RNF180: variants seen among roughly 807,000 people sequenced by gnomAD.
RNF180 encodes E3 ubiquitin-protein ligase RNF180.
In RNF180, 38 loss-of-function variants were observed where a neutral mutation model predicts 59.2. The ratio of observed to expected loss-of-function variants is 0.64; its 90% CI spans 0.50 to 0.84. RNF180 has a LOEUF of 0.84. Ranked by LOEUF, RNF180 falls within the 40% of genes least tolerant of loss-of-function variation. The probability of loss-of-function intolerance (pLI) is 0.00; values close to 1 mark genes in which losing one functional copy is unlikely to be tolerated. For synonymous variants in RNF180, 262 were observed against 240.3 expected (o/e 1.09, Z -0.84); for missense variants, 705 against 700.9 (o/e 1.01, Z -0.07).
intron 1 of RNF180, among the ~76,000 whole-genome samples, chr5:64,199,900 T>C (rs1454572305): frequency 1.3e-5 from 2 of 152,232 alleles, no homozygotes; most frequent in Middle Eastern, 3.2e-3. Context: ...GGGGCTGTTC[T>C]CTGAGTCTTG....
intron 5 of RNF180, among the ~76,000 whole-genome samples, chr5:64,234,898 T>C (rs543616868): frequency 1.3e-5 from 2 of 152,196 alleles, no homozygotes; most frequent in Admixed American, 1.3e-4. Context: ...TGCGCCCAGC[T>C]ACCCCTTCTT....
chr5:64,291,448 G>A (rs1301278775), intron 5 of RNF180, among the ~76,000 whole-genome samples: 24 of 132,618 alleles, frequency 1.8e-4, no homozygotes, highest in Non-Finnish European at 3.0e-4. Context: ...TTTTTGAGGC[G>A]GAGTCTCGAT....
At chr5:64,324,454 A>G (rs1227930925) in intron 5 of RNF180, among the ~76,000 whole-genome samples, 3 of 152,244 alleles carry the variant, frequency 2.0e-5, no homozygotes, top group Non-Finnish European at 4.4e-5. Flanking sequence ...GCACAGACAG[A>G]AACTCCACAC....
chr5:64,281,121 A>T (rs1741985916), intron 5 of RNF180, among the ~76,000 whole-genome samples: 1 of 152,220 alleles, frequency 6.6e-6, no homozygotes, highest in East Asian at 1.9e-4. Flanking sequence ...GTGTTGGAAT[A>T]TAGAAATGCT....
chr5:64,218,956 ATTAT>A (rs905875610), intron 5 of RNF180, among the ~76,000 whole-genome samples: 7 of 152,138 alleles, frequency 4.6e-5, no homozygotes, highest in Admixed American at 4.6e-4. Context: ...ATTTATTCCT[ATTAT>A]TTTTAATGCT....
intron 7 of RNF180, among the ~76,000 whole-genome samples, chr5:64,351,990 T>G (rs1745835200): frequency 3.3e-5 from 5 of 152,150 alleles, no homozygotes; most frequent in Non-Finnish European, 1.5e-5. Flanking sequence ...CAGCTCCTCC[T>G]TGTACCTCTG....
chr5:64,303,498 TAATAAGGAAAAA>T (rs1478310312), intron 5 of RNF180, among the ~76,000 whole-genome samples: 94 of 151,570 alleles, frequency 6.2e-4, no homozygotes, highest in African/African-American at 2.2e-3. Flanking sequence ...AATACACAAA[TAATAAGGAAAAA>T]ACAGCCCCAT....
chr5:64,314,575 A>G (rs1743942946), intron 5 of RNF180, among the ~76,000 whole-genome samples: 1 of 152,106 alleles, frequency 6.6e-6, no homozygotes, highest in South Asian at 2.1e-4. Context: ...TTGAGAGCCC[A>G]GCGAACTTTT....
chr5:64,311,130 A>C (rs992451458), intron 5 of RNF180, among the ~76,000 whole-genome samples: 1 of 151,872 alleles, frequency 6.6e-6, no homozygotes, highest in Admixed American at 6.6e-5. Context: ...AGGGAGGACC[A>C]CTTAATGCCA....
chr5:64,369,488 C>A, intron 7 of RNF180, 127 bp from the exon 8 acceptor site: 1 of 509,266 alleles, frequency 2.0e-6, no homozygotes, highest in Non-Finnish European at 3.3e-6. Flanking sequence ...AAAAAACTGT[C>A]AGGAATACAA....
At chr5:64,234,631 A>G in intron 5 of RNF180, among the ~76,000 whole-genome samples, 1 of 90,538 alleles carries the variant, frequency 1.1e-5, no homozygotes, top group African/African-American at 4.3e-5. Flanking sequence ...AAGGAGTCTC[A>G]CTCTGTCGCC....
At chr5:64,331,454 A>T (rs748694527) in intron 7 of RNF180, among the ~76,000 whole-genome samples, 12 of 152,118 alleles carry the variant, frequency 7.9e-5, no homozygotes, top group Non-Finnish European at 1.3e-4. Flanking sequence ...AGCCCATAAA[A>T]ACCCTGGACT....
intron 5 of RNF180, among the ~76,000 whole-genome samples, chr5:64,226,598 CATT>C (rs1030599471): frequency 1.3e-5 from 2 of 151,924 alleles, no homozygotes; most frequent in African/African-American, 4.8e-5. Flanking sequence ...ACCTTCTCTC[CATT>C]ATTATCCTAT....
At chr5:64,337,270 A>G (rs1745167159) in intron 7 of RNF180, among the ~76,000 whole-genome samples, 1 of 152,044 alleles carries the variant, frequency 6.6e-6, no homozygotes, top group Non-Finnish European at 1.5e-5. Flanking sequence ...CGGCCTCCCA[A>G]AGTGCTAGGA....
chr5:64,269,701 A>G (rs73103141), intron 5 of RNF180, among the ~76,000 whole-genome samples: 2,479 of 152,202 alleles, frequency 0.016, 63 homozygotes, highest in African/African-American at 0.056. Flanking sequence ...TTATGACCAC[A>G]TTTATTCAGC....
chr5:64,236,520 G>A (rs1459811427), intron 5 of RNF180, among the ~76,000 whole-genome samples: 2 of 152,172 alleles, frequency 1.3e-5, no homozygotes, highest in African/African-American at 4.8e-5. Context: ...CTGACCATGT[G>A]GTAGAAAAGA....
chr5:64,335,174 T>A (rs1399630761), intron 7 of RNF180, among the ~76,000 whole-genome samples: 1 of 152,196 alleles, frequency 6.6e-6, no homozygotes, highest in East Asian at 1.9e-4. Context: ...GTGAAATGCT[T>A]TTTTACGATT....
At chr5:64,288,125 G>A (rs1463004645) in intron 5 of RNF180, among the ~76,000 whole-genome samples, 1 of 152,260 alleles carries the variant, frequency 6.6e-6, no homozygotes, top group East Asian at 1.9e-4. Context: ...CATATGGCTA[G>A]CCTGTTCTCC....
intron 2 of RNF180, among the ~76,000 whole-genome samples, chr5:64,208,489 T>C (rs1338076476): frequency 6.6e-6 from 1 of 152,072 alleles, no homozygotes; most frequent in Non-Finnish European, 1.5e-5. Flanking sequence ...ACTTGTTTTA[T>C]CATTTATATA....
Sources: gnomAD v4.1 joint callset for allele counts (sites outside exome capture counted in the v4.1 genomes callset) on GRCh38, gnomAD v4.1.1 for gene constraint, MANE v1.5 for transcripts, NCBI Gene and HGNC (gene_info 2026-07-23, HGNC 2026-07-21) for gene names.